C5: variants seen among roughly 807,000 people sequenced by gnomAD.
The protein encoded by C5 is complement C5.
C5 carries 140 observed loss-of-function variants against 218.8 expected under a neutral mutation model. The observed-to-expected ratio is 0.64, with a 90% CI of 0.56 to 0.74. The LOEUF is 0.74. Among genes scored for constraint, C5 ranks in the 30% least tolerant of loss-of-function variants. C5 has a pLI of 0.00. For missense variants in C5, 1,700 were observed against 1,969.6 expected, an observed-to-expected ratio of 0.86 and a Z score of 2.59; for synonymous variants, 614 against 682.3, an observed-to-expected ratio of 0.90 and a Z score of 1.56.
At chr9:120,992,789 T>C (rs2047086608) in intron 22 of C5, among the ~76,000 whole-genome samples, 1 of 152,200 alleles carries the variant, frequency 6.6e-6, no homozygotes, top group African/African-American at 2.4e-5. Flanking sequence ...CAGCAATGTC[T>C]TTGTGAACTA....
At chr9:120,957,412 T>C in intron 38 of C5, 44 bp from the exon 39 acceptor site, 2 of 1,395,982 alleles carry the variant, frequency 1.4e-6, no homozygotes, top group Non-Finnish European at 2.0e-6. Flanking sequence ...GTCTTAATAC[T>C]ATTAATGCTA....
At chr9:121,018,738 AAGGAAAGGAAGGAAGGAAGGAAGG>A (rs1246281055) in intron 12 of C5, among the ~76,000 whole-genome samples, 276 of 99,398 alleles carry the variant, frequency 2.8e-3, no homozygotes, top group African/African-American at 8.6e-3. Flanking sequence ...GGAAGGAAGG[AAGGAAAGGAAGGAAGGAAGGAAGG>A]AAGGAAGGAA....
chr9:121,019,850 T>G, intron 12 of C5, 126 bp downstream of exon 12: 1 of 667,210 alleles, frequency 1.5e-6, no homozygotes, highest in Admixed American at 2.5e-5. Context: ...GATGTTCAAG[T>G]TAGATGATGC....
At position 120,996,255 on chromosome 9, in the gene C5, G is replaced by T. The variant is rs756369611; in HGVS notation, c.2836C>A (p.Pro946Thr). 1 of 1,610,422 alleles carries T rather than the reference G, an allele frequency of 6.2e-7. No homozygotes were observed. The highest frequency in any genetic ancestry group is 8.5e-7 in the Non-Finnish European group (1 of 1,176,772). Residue 946 changes from proline (P) to threonine (T), a missense_variant, in exon 22 of 41, where the codon CCT becomes ACT. Transcript: ENST00000223642. ...RESYSGVTLD[P>T]RGIYGTISRR... is the part of the protein sequence containing the mutation. ...TTTTGCCTACCATAAATACCCCTAG[G>T]ATCCAAAGTAACACCAGAATAGCTT... is the stretch of plus-strand genomic sequence containing the variant.
At chr9:121,055,650 C>T in the C5 span, among the ~76,000 whole-genome samples, 16 of 152,276 alleles carry the variant, frequency 1.1e-4, no homozygotes, top group African/African-American at 3.6e-4. Flanking sequence ...ATCCACTGCC[C>T]GGTTGGTACG....
intron 22 of C5, among the ~76,000 whole-genome samples, chr9:120,991,915 T>C (rs898628880): frequency 6.6e-6 from 1 of 152,250 alleles, no homozygotes; most frequent in East Asian, 1.9e-4. Flanking sequence ...TAGGTCTATT[T>C]TCATTAGTTT....
rs1564155965 is a variant in C5 at position 121,023,385 on chromosome 9, AC to A, written c.1116+18del. 2 of 1,389,848 alleles carry A rather than the reference AC, an allele frequency of 1.4e-6. No homozygotes were observed. Among genetic ancestry groups the A allele is most frequent in the South Asian group, 1.2e-5 (1 of 86,592 alleles). 86.1% of individuals were successfully genotyped at this position (1,389,848 alleles called of 1,614,324 possible). A position where few individuals can be genotyped will look rare whatever the true frequency, so the allele number is the denominator to read the frequency against. On this transcript the variant is annotated intron_variant, in intron 10 of 40. Transcript: ENST00000223642. ...AAGATGATCATATGTAGCAACGTCT[AC>A]CCCCTCACCCAATCTACCTTGATGG...
At chr9:121,057,828 G>A in the C5 span, among the ~76,000 whole-genome samples, 1 of 151,976 alleles carries the variant, frequency 6.6e-6, no homozygotes, top group Non-Finnish European at 1.5e-5. Flanking sequence ...TTTTTAGAAG[G>A]CACTCTAAAC....
intron 23 of C5, among the ~76,000 whole-genome samples, chr9:120,990,412 T>C (rs1247516131): frequency 6.6e-6 from 1 of 152,228 alleles, no homozygotes; most frequent in Non-Finnish European, 1.5e-5. Context: ...ATCCCTGCTA[T>C]GGTTTGAATG....
At position 121,015,254 on chromosome 9, in the gene C5, A is replaced by G; in HGVS notation, c.2004T>C (p.Pro668=). Residue 668 remains proline, a synonymous_variant, in exon 16 of 41, where the codon CCT becomes CCC. Coordinates refer to ENST00000223642, the MANE Select transcript of C5 (RefSeq NM_001735.3). ...TTCTTGGCCTGAGAATTTCTTTACAAGGTTCATCTGGTTTTTTTAAAAAAA... is the reference window on the plus strand; with the variant it reads ...TTCTTGGCCTGAGAATTTCTTTACAGGGTTCATCTGGTTTTTTTAAAAAAA... ...NADDSQENDE[P]CKEILRPRRT... The G allele has an allele frequency of 6.2e-7, 1 of 1,602,454 alleles. No homozygotes were observed. Among genetic ancestry groups the G allele is most frequent in the South Asian group, 1.1e-5 (1 of 90,598 alleles).
intron 18 of C5, among the ~76,000 whole-genome samples, chr9:121,007,648 GTA>G (rs2047226603): frequency 6.6e-6 from 1 of 152,120 alleles, no homozygotes. Context: ...TGCCTTTGAG[GTA>G]TTTACATTTT....
intron 5 of C5, among the ~76,000 whole-genome samples, chr9:121,033,580 C>G (rs2047496714): frequency 6.6e-6 from 1 of 152,172 alleles, no homozygotes. Flanking sequence ...GGGCAAGTGG[C>G]ACAAGATGAA....
intron 14 of C5, 45 bp downstream of exon 14, chr9:121,017,316 TG>T: frequency 6.2e-7 from 1 of 1,609,876 alleles, no homozygotes; most frequent in Non-Finnish European, 8.5e-7. Flanking sequence ...CCTAGCCTGG[TG>T]GCCACACTTC....
At chr9:121,053,381 C>T (rs1382593027), upstream of C5, among the ~76,000 whole-genome samples, 1 of 152,180 alleles carries the variant, frequency 6.6e-6, no homozygotes, top group African/African-American at 2.4e-5. Flanking sequence ...ACTTCAGTAA[C>T]TCTCCATGGG....
At chr9:121,042,655 G>A (rs1007967109) in intron 3 of C5, among the ~76,000 whole-genome samples, 5 of 151,840 alleles carry the variant, frequency 3.3e-5, no homozygotes, top group Non-Finnish European at 5.9e-5. Flanking sequence ...CAATAATTTC[G>A]CATAGCTAAT....
At chr9:120,983,133 T>C (rs548911450) in intron 25 of C5, among the ~76,000 whole-genome samples, 1 of 152,342 alleles carries the variant, frequency 6.6e-6, no homozygotes, top group African/African-American at 2.4e-5. Flanking sequence ...AGTCAAGGCA[T>C]TGACCTATGA....
At chr9:120,999,154 A>G (rs937898916) in intron 20 of C5, among the ~76,000 whole-genome samples, 3 of 152,176 alleles carry the variant, frequency 2.0e-5, no homozygotes, top group Admixed American at 1.3e-4. Context: ...AAACTGATAG[A>G]AAATATAAAA....
At chr9:121,066,862 G>GAAAAAAAA in the C5 span, among the ~76,000 whole-genome samples, 2 of 134,986 alleles carry the variant, frequency 1.5e-5, no homozygotes, top group African/African-American at 2.9e-5. Context: ...CTCAAAAAAA[G>GAAAAAAAA]AAAAAAAAAA....
chr9:121,050,085 G>C, intron 1 of C5, 97 bp downstream of exon 1: 1 of 983,598 alleles, frequency 1.0e-6, no homozygotes, highest in Non-Finnish European at 1.6e-6. Context: ...CTCAGAAGTA[G>C]CAAGTTATTT....
Sources: allele counts gnomAD v4.1 joint callset (sites outside exome capture counted in the v4.1 genomes callset), GRCh38; gene constraint gnomAD v4.1.1; transcripts MANE v1.5; gene names NCBI Gene and HGNC (gene_info 2026-07-23, HGNC 2026-07-21).